TTC28: variants seen among roughly 807,000 people sequenced by gnomAD.
The protein encoded by TTC28 is tetratricopeptide repeat protein 28.
In TTC28, 61 loss-of-function variants were observed where a neutral mutation model predicts 198.0. The ratio of observed to expected loss-of-function variants is 0.31; its 90% CI spans 0.25 to 0.38. The LOEUF is 0.38. TTC28 is among the 10% of genes least tolerant of loss of function. The pLI is 1.00. For synonymous variants in TTC28, 1,171 were observed against 1,297.8 expected (o/e 0.90, Z 2.10); for missense variants, 2,678 against 3,164.0 (o/e 0.85, Z 3.69).
chr22:28,486,193 A>T lies in TTC28; in HGVS notation c.381+143359T>A, dbSNP rs549714654. Among the ~76,000 whole-genome samples, 24 of 152,272 alleles carry T rather than the reference A, an allele frequency of 1.6e-4. No homozygotes were observed. The East Asian group carries it at 3.9e-3, about 25-fold the overall frequency. On this transcript the variant is annotated intron_variant, in intron 2 of 22. Coordinates refer to ENST00000397906, the MANE Select transcript of TTC28 (RefSeq NM_001145418.2). ...AAGTATACTAAAATTACAAATACAT[A>T]CTCACACTAAGGAAAATTGCTTTTA...
intron 6 of TTC28, among the ~76,000 whole-genome samples, chr22:28,157,231 A>C (rs1943769393): frequency 2.0e-5 from 3 of 152,198 alleles, no homozygotes; most frequent in Admixed American, 6.5e-5. Flanking sequence ...AGACACATAC[A>C]ACCTGCCAAG....
intron 2 of TTC28, among the ~76,000 whole-genome samples, chr22:28,454,987 G>C (rs1333848753): frequency 6.6e-6 from 1 of 152,056 alleles, no homozygotes; most frequent in South Asian, 2.1e-4. Context: ...TATATAAATG[G>C]GTCAGAGAGT....
chr22:28,083,296 T>A (rs1941434993), intron 12 of TTC28, among the ~76,000 whole-genome samples: 1 of 151,916 alleles, frequency 6.6e-6, no homozygotes, highest in Non-Finnish European at 1.5e-5. Context: ...CAGGGTACAT[T>A]TAGAGAGCAA....
intron 2 of TTC28, among the ~76,000 whole-genome samples, chr22:28,475,714 T>C (rs1458574163): frequency 6.6e-6 from 1 of 152,196 alleles, no homozygotes; most frequent in Admixed American, 6.5e-5. Context: ...ACAAATTAAA[T>C]GCTATAAATG....
At chr22:28,588,269 A>G (rs934984572) in intron 2 of TTC28, among the ~76,000 whole-genome samples, 2 of 152,256 alleles carry the variant, frequency 1.3e-5, no homozygotes, top group African/African-American at 4.8e-5. Context: ...GTCATCAGGA[A>G]CTATAATTTA....
chr22:28,534,931 A>C (rs2049234058), intron 2 of TTC28, among the ~76,000 whole-genome samples: 1 of 144,684 alleles, frequency 6.9e-6, no homozygotes, highest in Non-Finnish European at 1.5e-5. Flanking sequence ...GGGAGGGGGC[A>C]GGGGTAGTAT....
chr22:28,279,381 GT>G lies in TTC28; in HGVS notation c.933+16816del, dbSNP rs549411485. Among the ~76,000 whole-genome samples the G allele has an allele frequency of 3.4e-3, 512 of 151,734 alleles. 5 individuals are homozygous for G. Among genetic ancestry groups the G allele is most frequent in the African/African-American group, 0.011 (471 of 41,396 alleles). The stretch of plus-strand genomic sequence containing the variant: ...CATACCATTTGATGAGGTTTTGTTT[GT>G]TTTTTTTAGACAGAGTCTTTCTCTG... On this transcript the variant is annotated intron_variant, in intron 5 of 22. Coordinates refer to ENST00000397906, the MANE Select transcript of TTC28 (RefSeq NM_001145418.2).
intron 6 of TTC28, among the ~76,000 whole-genome samples, chr22:28,146,963 T>C (rs370031508): frequency 6.6e-6 from 1 of 152,214 alleles, no homozygotes; most frequent in Non-Finnish European, 1.5e-5. Context: ...AATGAAAGCA[T>C]TCACTCCCAG....
chr22:28,085,102 G>T (rs1223674885), intron 12 of TTC28, among the ~76,000 whole-genome samples: 1 of 152,076 alleles, frequency 6.6e-6, no homozygotes, highest in Non-Finnish European at 1.5e-5. Context: ...ATATTATCCA[G>T]GAGAACTTCC....
chr22:28,154,329 TTTTTTCTTTTC>T (rs1943695095), intron 6 of TTC28, among the ~76,000 whole-genome samples: 2 of 141,356 alleles, frequency 1.4e-5, no homozygotes, highest in African/African-American at 2.5e-5. Context: ...CCATTTTTTT[TTTTTTCTTTTC>T]TTTTCTTTTC....
chr22:28,381,526 CTGA>C (rs1425836147), intron 2 of TTC28, among the ~76,000 whole-genome samples: 1 of 152,126 alleles, frequency 6.6e-6, no homozygotes, highest in Non-Finnish European at 1.5e-5. Flanking sequence ...CATTTTTACT[CTGA>C]TGATATTTTT....
At chr22:28,623,132 T>G (rs1027596381) in intron 2 of TTC28, among the ~76,000 whole-genome samples, 4 of 151,996 alleles carry the variant, frequency 2.6e-5, no homozygotes, top group African/African-American at 9.7e-5. Context: ...CCAAAATAGA[T>G]ATTTTTTAAG....
intron 2 of TTC28, among the ~76,000 whole-genome samples, chr22:28,375,394 A>T (rs1378910459): frequency 6.6e-6 from 1 of 152,208 alleles, no homozygotes; most frequent in African/African-American, 2.4e-5. Context: ...CTGCAGATTA[A>T]TAAAAGGGAA....
intron 12 of TTC28, among the ~76,000 whole-genome samples, chr22:28,058,338 A>G (rs1032166982): frequency 3.3e-5 from 5 of 152,106 alleles, no homozygotes; most frequent in African/African-American, 1.2e-4. Flanking sequence ...CACCTTATCA[A>G]TTTGGAGATT....
chr22:28,395,005 C>G (rs1286816029), intron 2 of TTC28, among the ~76,000 whole-genome samples: 1 of 151,986 alleles, frequency 6.6e-6, no homozygotes, highest in Non-Finnish European at 1.5e-5. Context: ...AATGAATAAC[C>G]AATATACCAT....
chr22:28,489,276 C>T (rs1430512376), intron 2 of TTC28, among the ~76,000 whole-genome samples: 1 of 141,564 alleles, frequency 7.1e-6, no homozygotes, highest in Non-Finnish European at 1.5e-5. Context: ...AGAGCAAGAT[C>T]CTATCTCTAA....
intron 2 of TTC28, among the ~76,000 whole-genome samples, chr22:28,484,401 C>T (rs1053282210): frequency 6.6e-6 from 1 of 152,160 alleles, no homozygotes; most frequent in African/African-American, 2.4e-5. Flanking sequence ...CATGAGCCAC[C>T]GCACCCAGCC....
chr22:28,516,848 C>A (rs1380566205), intron 2 of TTC28, among the ~76,000 whole-genome samples: 1 of 152,094 alleles, frequency 6.6e-6, no homozygotes, highest in East Asian at 1.9e-4. Flanking sequence ...AGCTACTTCA[C>A]AATGTATTCA....
chr22:28,629,115 G>GA (rs974784977), intron 2 of TTC28, among the ~76,000 whole-genome samples: 24 of 151,884 alleles, frequency 1.6e-4, no homozygotes, highest in African/African-American at 4.8e-4. Flanking sequence ...TGCTTTATTA[G>GA]AAAAAACAGA....
Sources: allele counts gnomAD v4.1 joint callset (sites outside exome capture counted in the v4.1 genomes callset), GRCh38; gene constraint gnomAD v4.1.1; transcripts MANE v1.5; gene names NCBI Gene and HGNC (gene_info 2026-07-23, HGNC 2026-07-21).